PLCH1: variants seen among roughly 807,000 people sequenced by gnomAD.
PLCH1 encodes the protein 1-phosphatidylinositol 4,5-bisphosphate phosphodiesterase eta-1.
PLCH1 carries 60 observed loss-of-function variants against 126.7 expected under a neutral mutation model. The observed-to-expected ratio is 0.47, with a 90% CI of 0.38 to 0.59. The LOEUF is 0.59. Ranked by LOEUF, PLCH1 falls within the 20% of genes least tolerant of loss-of-function variation. PLCH1 has a pLI of 0.00. For missense variants in PLCH1, 1,723 were observed against 2,040.0 expected, an observed-to-expected ratio of 0.84 and a Z score of 2.99; for synonymous variants, 719 against 734.9, an observed-to-expected ratio of 0.98 and a Z score of 0.35.
chr3:155,551,436 C>A (rs1726100898), intron 9 of PLCH1, among the ~76,000 whole-genome samples: 1 of 104,496 alleles, frequency 9.6e-6, no homozygotes, highest in African/African-American at 4.0e-5. Context: ...CAGAGCAAGG[C>A]TGCCTCAGAA....
chr3:155,565,142 A>G, intron 7 of PLCH1, 24 bp from the exon 8 acceptor site: 1 of 1,539,600 alleles, frequency 6.5e-7, no homozygotes, highest in Middle Eastern at 1.7e-4. Context: ...AGAGTGACTT[A>G]CTACAGCTTT....
At chr3:155,555,342 T>G (rs1726689634) in intron 8 of PLCH1, among the ~76,000 whole-genome samples, 2 of 152,162 alleles carry the variant, frequency 1.3e-5, no homozygotes, top group Non-Finnish European at 2.9e-5. Context: ...AGAAAGTATG[T>G]GCACCACTTC....
intron 10 of PLCH1, among the ~76,000 whole-genome samples, chr3:155,537,228 A>C (rs71623486): frequency 4.3e-4 from 4 of 9,302 alleles, no homozygotes; most frequent in Admixed American, 8.8e-4. Flanking sequence ...AAAAAAAAAA[A>C]AAAAACCTAA....
At position 155,482,421 on chromosome 3, in the gene PLCH1, G is replaced by A. The variant is rs150900451; in HGVS notation, c.3605C>T (p.Ala1202Val). The change falls in exon 23 of 23, where the codon GCT becomes GTT. Residue 1202 changes from alanine to valine, a missense_variant. This residue lies in a region of PLCH1 where 947 missense variants were observed against 977.1 expected (regional missense o/e 0.97). Transcript: ENST00000460012. ...IGQFDETNNQ[A>V]LTVVSHLHNT... Reference sequence around the variant, plus strand: ...ATGAAGATGAGAAACAACTGTGAGAGCCTGATTGTTGGTCTCATCAAACTG... The same window carrying A: ...ATGAAGATGAGAAACAACTGTGAGAACCTGATTGTTGGTCTCATCAAACTG... The A allele has an allele frequency of 6.2e-7, 1 of 1,614,130 alleles. No individual in the cohort carries two copies. The highest frequency in any genetic ancestry group is 8.5e-7 in the Non-Finnish European group (1 of 1,180,004).
intron 10 of PLCH1, among the ~76,000 whole-genome samples, chr3:155,545,373 C>A (rs1305692429): frequency 5.3e-5 from 8 of 151,674 alleles, no homozygotes; most frequent in Admixed American, 2.6e-4. Flanking sequence ...CAATAACAGG[C>A]TCTGAAATTG....
intron 2 of PLCH1, among the ~76,000 whole-genome samples, chr3:155,619,358 A>G (rs565812521): frequency 5.4e-4 from 82 of 152,184 alleles, no homozygotes; most frequent in African/African-American, 1.9e-3. Flanking sequence ...TCCTTTGTTC[A>G]ACTGCATTGT....
chr3:155,594,597 T>C (rs1311656313), intron 3 of PLCH1, among the ~76,000 whole-genome samples: 1 of 152,042 alleles, frequency 6.6e-6, no homozygotes, highest in Non-Finnish European at 1.5e-5. Context: ...TAAGTAAGTA[T>C]GAAAAAATTC....
At chr3:155,660,262 T>C (rs1741974677) in intron 2 of PLCH1, among the ~76,000 whole-genome samples, 1 of 152,204 alleles carries the variant, frequency 6.6e-6, no homozygotes, top group Non-Finnish European at 1.5e-5. Context: ...TGGGAAACTA[T>C]ATTCTTTTCA....
rs765653751 is a variant in PLCH1 at position 155,481,782 on chromosome 3, T to C, written c.4244A>G (p.Asn1415Ser). 21 of 1,614,048 alleles carry C rather than the reference T, an allele frequency of 1.3e-5. No homozygotes were observed. Among genetic ancestry groups the C allele is most frequent in the Admixed American group, 1.7e-5 (1 of 60,006 alleles). ...ACTTTGAGTTTTGACATCTTGAATA[T>C]TGTTGAATATTTCAGGGACAGAAGG... ...LRPSVPEIFN[N>S]IQDVKTQSIS... Residue 1415 changes from asparagine to serine, a missense_variant, in exon 23 of 23, where the codon AAT becomes AGT. Asn to Ser is a conservative substitution (Grantham distance 46). Around this residue, in one of 2 missense-constraint regions of PLCH1, gnomAD observed 947 missense variants for 977.1 expected, o/e 0.97. Coordinates refer to ENST00000460012, the MANE Select transcript of PLCH1 (RefSeq NM_014996.4). The surrounding 1 kb of genome is among the most constrained non-coding windows in gnomAD (Gnocchi z 4.2).
intron 1 of PLCH1, among the ~76,000 whole-genome samples, chr3:155,715,919 T>C (rs1747470941): frequency 6.6e-6 from 1 of 152,144 alleles, no homozygotes; most frequent in South Asian, 2.1e-4. Flanking sequence ...TTTGTTTTCT[T>C]TGGGCCTATT....
intron 2 of PLCH1, chr3:155,676,055 T>C (rs1172623119): frequency 6.6e-7 from 1 of 1,520,684 alleles, no homozygotes; most frequent in Admixed American, 2.1e-5. Flanking sequence ...TTAATACTAT[T>C]ACACATTATT....
chr3:155,523,320 G>A (rs1272633900), intron 11 of PLCH1, among the ~76,000 whole-genome samples: 3 of 152,152 alleles, frequency 2.0e-5, no homozygotes, highest in Non-Finnish European at 4.4e-5. Flanking sequence ...TCTAGAAAAG[G>A]GGGCTGACAC....
At chr3:155,614,916 A>C (rs1735594111) in intron 2 of PLCH1, among the ~76,000 whole-genome samples, 1 of 152,140 alleles carries the variant, frequency 6.6e-6, no homozygotes, top group Non-Finnish European at 1.5e-5. Context: ...AATGCAATGA[A>C]AACAAAGATA....
intron 10 of PLCH1, among the ~76,000 whole-genome samples, chr3:155,545,176 A>C (rs1341589458): frequency 6.7e-6 from 1 of 149,996 alleles, no homozygotes; most frequent in South Asian, 2.1e-4. Context: ...GAAGAATCAA[A>C]TAGACGCAAT....
intron 6 of PLCH1, among the ~76,000 whole-genome samples, chr3:155,568,778 G>GTGTGTGTGTGTGTA (rs1203089643): frequency 1.3e-5 from 2 of 151,986 alleles, no homozygotes; most frequent in Non-Finnish European, 2.9e-5. Context: ...GTGTGTGTGT[G>GTGTGTGTGTGTGTA]TGTGTTTGTA....
At chr3:155,647,171 T>G (rs1740155774) in intron 2 of PLCH1, among the ~76,000 whole-genome samples, 1 of 152,160 alleles carries the variant, frequency 6.6e-6, no homozygotes, top group Admixed American at 6.5e-5. Flanking sequence ...ACCCACTTGC[T>G]TTTCCTATTC....
At chr3:155,487,406 C>G (rs1355732228) in intron 21 of PLCH1, among the ~76,000 whole-genome samples, 1 of 152,124 alleles carries the variant, frequency 6.6e-6, no homozygotes, top group Non-Finnish European at 1.5e-5. Context: ...TAACCAAGTC[C>G]CCAATTACTT....
At chr3:155,595,532 C>A (rs1280625978) in intron 3 of PLCH1, among the ~76,000 whole-genome samples, 1 of 152,188 alleles carries the variant, frequency 6.6e-6, no homozygotes, top group Non-Finnish European at 1.5e-5. Flanking sequence ...GGTTCTCAGG[C>A]CTTCAACCTT....
intron 1 of PLCH1, among the ~76,000 whole-genome samples, chr3:155,726,884 T>C (rs897109457): frequency 1.3e-5 from 2 of 149,868 alleles, no homozygotes; most frequent in Admixed American, 6.6e-5. Flanking sequence ...TTTTCTTTTT[T>C]TTTTTTTTTG....
Sources: gnomAD v4.1 joint callset for allele counts (sites outside exome capture counted in the v4.1 genomes callset) on GRCh38, gnomAD v4.1.1 for gene constraint, gnomAD v4.1.1 regional missense constraint, Gnocchi (gnomAD v3.1) non-coding constraint, MANE v1.5 for transcripts, NCBI Gene and HGNC (gene_info 2026-07-23, HGNC 2026-07-21) for gene names.